MTUS1: variants seen among roughly 807,000 people sequenced by gnomAD.
The protein encoded by MTUS1 is microtubule-associated tumor suppressor 1.
Under a neutral mutation model 120.8 loss-of-function variants are expected in MTUS1, and 109 were observed. The observed-to-expected ratio is 0.90, with a 90% CI of 0.77 to 1.06. The LOEUF (loss-of-function observed/expected upper bound fraction) is 1.06. Ranked by LOEUF, MTUS1 falls within the 50% of genes least tolerant of loss-of-function variation. The probability of loss-of-function intolerance (pLI) is 0.00; values close to 1 mark genes in which losing one functional copy is unlikely to be tolerated. For missense variants in MTUS1, 2,210 were observed against 1,486.3 expected (o/e 1.49, Z -8.01); for synonymous variants, 737 against 550.5 (o/e 1.34, Z -4.74).
At chr8:17,748,817 C>T (rs961934689) in intron 2 of MTUS1, among the ~76,000 whole-genome samples, 1 of 152,176 alleles carries the variant, frequency 6.6e-6, no homozygotes. Context: ...ACTAGGCACT[C>T]AGACAGGGTC....
chr8:17,751,988 A>T (rs1356821341), intron 2 of MTUS1, among the ~76,000 whole-genome samples: 1 of 152,132 alleles, frequency 6.6e-6, no homozygotes, highest in East Asian at 1.9e-4. Flanking sequence ...TCTAATTATG[A>T]ATCCTAACAG....
chr8:17,657,806 A>G, intron 8 of MTUS1, among the ~76,000 whole-genome samples: 1 of 149,978 alleles, frequency 6.7e-6, no homozygotes, highest in South Asian at 2.1e-4. Context: ...TCTCAAAAAA[A>G]AAAAAAAAAA....
chr8:17,791,775 C>T (rs992647596), intron 1 of MTUS1, among the ~76,000 whole-genome samples: 1 of 152,188 alleles, frequency 6.6e-6, no homozygotes, highest in African/African-American at 2.4e-5. Flanking sequence ...ACAGCACCAG[C>T]AGATCCAAGC....
rs1251066754 is a variant in MTUS1, at chr8:17,674,418, C to CA, written c.2905+767dup. On this transcript the variant is annotated intron_variant, in intron 8 of 14. Transcript: ENST00000693296. ...CTGGTGACAGAGCAAGATTCCGTCT[C>CA]AAAAAAAAAAGAAAAAGAAACAGAA... 9.9e-3 allele frequency: 7,110 copies of CA among 720,722 alleles called. 3 individuals carry two copies. The highest frequency in any genetic ancestry group is 0.011 in the Non-Finnish European group (6,323 of 592,692). 44.6% of individuals were successfully genotyped at this position (720,722 alleles called of 1,614,324 possible).
chr8:17,647,621 G>A (rs577829102), intron 13 of MTUS1, among the ~76,000 whole-genome samples: 2 of 152,262 alleles, frequency 1.3e-5, no homozygotes, highest in African/African-American at 4.8e-5. Flanking sequence ...AGCTCTTAGA[G>A]CATGCCATCA....
intron 3 of MTUS1, among the ~76,000 whole-genome samples, chr8:17,726,937 C>CT (rs1423684702): frequency 2.6e-5 from 4 of 152,142 alleles, no homozygotes; most frequent in Non-Finnish European, 4.4e-5. Flanking sequence ...TGCCTCATAG[C>CT]TTTGTTTCTA....
At chr8:17,684,277 T>G (rs1815259706) in intron 7 of MTUS1, 51 bp downstream of exon 7, 1 of 1,392,746 alleles carries the variant, frequency 7.2e-7, no homozygotes, top group South Asian at 1.2e-5. Context: ...GTCCTCCCCG[T>G]GCTCCCCCGA....
intron 1 of MTUS1, among the ~76,000 whole-genome samples, chr8:17,771,559 A>G (rs1211368822): frequency 6.6e-6 from 1 of 152,212 alleles, no homozygotes; most frequent in Non-Finnish European, 1.5e-5. Flanking sequence ...TTACTTTACA[A>G]AATAGTCAGT....
chr8:17,796,193 C>T (rs117864598), intron 1 of MTUS1, among the ~76,000 whole-genome samples: 80 of 4,638 alleles, frequency 0.017, no homozygotes, highest in East Asian at 0.12. Context: ...TGAAGTGATC[C>T]GCTTGGCTTG....
intron 8 of MTUS1, among the ~76,000 whole-genome samples, chr8:17,666,351 A>G (rs1810911009): frequency 6.6e-6 from 1 of 152,026 alleles, no homozygotes; most frequent in Non-Finnish European, 1.5e-5. Context: ...CTGACGGATC[A>G]TTTTTAGAGC....
intron 1 of MTUS1, among the ~76,000 whole-genome samples, chr8:17,761,963 C>A (rs1051973708): frequency 1.4e-4 from 21 of 152,172 alleles, no homozygotes; most frequent in African/African-American, 4.6e-4. Context: ...AACATCTAAG[C>A]TATCATTTTA....
intron 1 of MTUS1, among the ~76,000 whole-genome samples, chr8:17,784,590 A>G (rs903389446): frequency 2.0e-5 from 3 of 151,616 alleles, no homozygotes; most frequent in Non-Finnish European, 2.9e-5. Flanking sequence ...CCACCATATT[A>G]AGAGACTTTC....
intron 8 of MTUS1, among the ~76,000 whole-genome samples, chr8:17,662,742 C>A (rs1396626234): frequency 6.6e-6 from 1 of 151,746 alleles, no homozygotes; most frequent in Non-Finnish European, 1.5e-5. Flanking sequence ...TGTAGGAGAA[C>A]TGCTGGGCAA....
chr8:17,684,631 C>A, intron 6 of MTUS1, 89 bp from the exon 7 acceptor site: 1 of 988,166 alleles, frequency 1.0e-6, no homozygotes, highest in Non-Finnish European at 1.6e-6. Flanking sequence ...CCAGATAAGC[C>A]ACAGAAATCC....
At chr8:17,650,604 G>C (rs1806773042) in intron 12 of MTUS1, among the ~76,000 whole-genome samples, 1 of 152,188 alleles carries the variant, frequency 6.6e-6, no homozygotes, top group Non-Finnish European at 1.5e-5. Flanking sequence ...CAGCTACTCA[G>C]GAGGCTGAGG....
chr8:17,721,689 G>C (rs1327209908), intron 4 of MTUS1: 6 of 1,547,364 alleles, frequency 3.9e-6, no homozygotes, highest in Non-Finnish European at 4.4e-6. Context: ...ACAAAGAAAA[G>C]AAACCAGAAA....
intron 6 of MTUS1, among the ~76,000 whole-genome samples, chr8:17,685,342 T>G (rs1358955806): frequency 6.6e-6 from 1 of 152,190 alleles, no homozygotes; most frequent in East Asian, 1.9e-4. Flanking sequence ...TGTTCAGTCT[T>G]GGAACCATTC....
intron 3 of MTUS1, among the ~76,000 whole-genome samples, chr8:17,728,156 T>A (rs962335371): frequency 6.6e-6 from 1 of 152,060 alleles, no homozygotes; most frequent in South Asian, 2.1e-4. Context: ...GGAAGGGAAA[T>A]GGGGAGTTGT....
chr8:17,797,936 C>G (rs368648704), intron 1 of MTUS1, among the ~76,000 whole-genome samples: 1 of 152,080 alleles, frequency 6.6e-6, no homozygotes, highest in Non-Finnish European at 1.5e-5. Context: ...CCCCCGCCCC[C>G]CCAAATAAAT....
Sources: allele counts gnomAD v4.1 joint callset (sites outside exome capture counted in the v4.1 genomes callset), GRCh38; gene constraint gnomAD v4.1.1; transcripts MANE v1.5; gene names NCBI Gene and HGNC (gene_info 2026-07-23, HGNC 2026-07-21).